DAPK1: variants seen among roughly 807,000 people sequenced by gnomAD.
DAPK1 encodes the protein death associated protein kinase 1.
In DAPK1, 56 loss-of-function variants were observed where a neutral mutation model predicts 144.9. The ratio of observed to expected loss-of-function variants is 0.39; its 90% CI spans 0.31 to 0.48. The LOEUF (loss-of-function observed/expected upper bound fraction) is 0.48. Among genes scored for constraint, DAPK1 ranks in the 20% least tolerant of loss-of-function variants. DAPK1 has a pLI of 0.95. For synonymous variants in DAPK1, 690 were observed against 749.0 expected, an observed-to-expected ratio of 0.92 and a Z score of 1.29; for missense variants, 1,454 against 1,875.4, an observed-to-expected ratio of 0.78 and a Z score of 4.15.
At chr9:87,593,565 C>T (rs541288376) in intron 2 of DAPK1, among the ~76,000 whole-genome samples, 56 of 152,308 alleles carry the variant, frequency 3.7e-4, no homozygotes, top group African/African-American at 1.3e-3. Context: ...CCTATGCCGT[C>T]AGACTACCAA....
At chr9:87,499,292 G>A in intron 2 of DAPK1, 153 bp downstream of exon 2, 1 of 709,874 alleles carries the variant, frequency 1.4e-6, no homozygotes. Context: ...CTAACCCAGC[G>A]GTAAACCGCC....
At chr9:87,589,941 G>A (rs956985185) in intron 2 of DAPK1, among the ~76,000 whole-genome samples, 3 of 152,074 alleles carry the variant, frequency 2.0e-5, no homozygotes, top group Non-Finnish European at 2.9e-5. Flanking sequence ...CACAGGCCTC[G>A]GTGACATCAA....
At chr9:87,514,784 T>C (rs1436331618) in intron 2 of DAPK1, among the ~76,000 whole-genome samples, 1 of 152,248 alleles carries the variant, frequency 6.6e-6, no homozygotes, top group African/African-American at 2.4e-5. Flanking sequence ...GACAGTGTCC[T>C]TTTGGAGAAG....
At chr9:87,591,664 G>A (rs1828139387) in intron 2 of DAPK1, among the ~76,000 whole-genome samples, 1 of 152,194 alleles carries the variant, frequency 6.6e-6, no homozygotes, top group Non-Finnish European at 1.5e-5. Context: ...AAATTAAAAT[G>A]TAAACTCAAC....
At chr9:87,511,109 T>G (rs1824824455) in intron 2 of DAPK1, among the ~76,000 whole-genome samples, 1 of 152,168 alleles carries the variant, frequency 6.6e-6, no homozygotes, top group African/African-American at 2.4e-5. Flanking sequence ...TTCTCCTCAG[T>G]TTCATCCTTC....
chr9:87,648,418 G>A (rs1830338017), intron 14 of DAPK1, among the ~76,000 whole-genome samples: 1 of 152,248 alleles, frequency 6.6e-6, no homozygotes, highest in African/African-American at 2.4e-5. Flanking sequence ...TTAAGTAACT[G>A]CTGAATGATG....
At chr9:87,542,986 A>AT (rs1453354123) in intron 2 of DAPK1, among the ~76,000 whole-genome samples, 1 of 152,246 alleles carries the variant, frequency 6.6e-6, no homozygotes, top group Non-Finnish European at 1.5e-5. Context: ...TATAGACTGC[A>AT]TGGGTGACAT....
intron 14 of DAPK1, among the ~76,000 whole-genome samples, chr9:87,648,192 T>C (rs936905614): frequency 3.9e-5 from 6 of 152,268 alleles, no homozygotes; most frequent in Non-Finnish European, 7.3e-5. Flanking sequence ...TGTTTTGTCT[T>C]CTTAAAATTT....
intron 2 of DAPK1, among the ~76,000 whole-genome samples, chr9:87,595,967 GATA>G (rs1418190756): frequency 1.3e-5 from 2 of 151,796 alleles, no homozygotes; most frequent in African/African-American, 2.4e-5. Context: ...TTTTTTTCAT[GATA>G]ATAATAATTT....
intron 3 of DAPK1, chr9:87,633,429 ACT>A (rs1304932802): frequency 1.0e-6 from 1 of 970,460 alleles, no homozygotes; most frequent in Non-Finnish European, 1.2e-6. Context: ...TGGGATAGGG[ACT>A]CTCCTAACCT....
At chr9:87,705,102 A>G (rs1171384026) in intron 25 of DAPK1, among the ~76,000 whole-genome samples, 1 of 151,834 alleles carries the variant, frequency 6.6e-6, no homozygotes. Context: ...TGTGTGTTAA[A>G]CATTCACATA....
At chr9:87,533,305 G>C (rs1053078194) in intron 2 of DAPK1, among the ~76,000 whole-genome samples, 5 of 152,262 alleles carry the variant, frequency 3.3e-5, no homozygotes, top group African/African-American at 1.2e-4. Flanking sequence ...CACCAGACCA[G>C]TATTGTGAAA....
At chr9:87,502,553 C>T (rs1587663091) in intron 2 of DAPK1, among the ~76,000 whole-genome samples, 1 of 152,186 alleles carries the variant, frequency 6.6e-6, no homozygotes, top group Non-Finnish European at 1.5e-5. Context: ...CGTCGTTCAG[C>T]CTAACCTGTG....
At chr9:87,514,020 A>G (rs930582733) in intron 2 of DAPK1, among the ~76,000 whole-genome samples, 4 of 152,150 alleles carry the variant, frequency 2.6e-5, no homozygotes, top group African/African-American at 9.7e-5. Context: ...CACACTCTTT[A>G]TGACAGCCAA....
chr9:87,663,074 G>C (rs1830921792), intron 18 of DAPK1, among the ~76,000 whole-genome samples: 1 of 151,902 alleles, frequency 6.6e-6, no homozygotes, highest in Non-Finnish European at 1.5e-5. Flanking sequence ...AGCGCCCCCT[G>C]CTGCCACCTT....
intron 2 of DAPK1, among the ~76,000 whole-genome samples, chr9:87,539,809 T>A (rs367972473): frequency 6.6e-6 from 1 of 152,150 alleles, no homozygotes; most frequent in East Asian, 1.9e-4. Context: ...CTATTCACGA[T>A]GTCTGTCTAC....
Position 87,707,649 on chromosome 9 carries a change from C to T in DAPK1, c.*285C>T, listed in dbSNP as rs560174954. The T allele has an allele frequency of 5.1e-5, 26 of 511,960 alleles. 1 individual carries two copies. In the South Asian group the frequency reaches 5.5e-4, roughly 11 times the overall value. The allele number at this position is 511,960 out of a possible 1,614,324, so 31.7% of individuals were successfully genotyped here. A position where few individuals can be genotyped will look rare whatever the true frequency, so the allele number is the denominator to read the frequency against. On this transcript the variant is annotated 3_prime_UTR_variant, in exon 26 of 26. Transcript: ENST00000408954. The surrounding 1 kb of genome is among the most constrained non-coding windows in gnomAD (Gnocchi z 4.0). ...TCTCAGTGTTTTGGACTCCATCTCTCATCCTCCAGTACCTTGCTTCTTACT... is the reference window on the plus strand; with the variant it reads ...TCTCAGTGTTTTGGACTCCATCTCTTATCCTCCAGTACCTTGCTTCTTACT...
At chr9:87,499,473 T>C (rs887990445) in intron 2 of DAPK1, 1 of 374,578 alleles carries the variant, frequency 2.7e-6, no homozygotes, top group African/African-American at 2.0e-5. Flanking sequence ...ATAATTGCAA[T>C]TGGAGTTAGC....
chr9:87,513,813 T>C (rs75391535), intron 2 of DAPK1, among the ~76,000 whole-genome samples: 3,276 of 152,310 alleles, frequency 0.022, 121 homozygotes, highest in African/African-American at 0.069. Flanking sequence ...TCATACGATG[T>C]GTTCAATGCC....
Sources: allele counts gnomAD v4.1 joint callset (sites outside exome capture counted in the v4.1 genomes callset), GRCh38; gene constraint gnomAD v4.1.1; non-coding constraint Gnocchi (gnomAD v3.1); transcripts MANE v1.5; gene names NCBI Gene and HGNC (gene_info 2026-07-23, HGNC 2026-07-21).